The following KCTD1 variants were observed in gnomAD, a reference collection of about 807,000 sequenced individuals.
KCTD1 encodes the protein potassium channel tetramerization domain containing 1.
A neutral mutation model predicts 66.0 loss-of-function variants in KCTD1; 24 were observed. The observed-to-expected ratio is 0.36, with a 90% confidence interval of 0.26 to 0.51. The LOEUF (loss-of-function observed/expected upper bound fraction) is 0.51, where lower values mean the gene tolerates loss of function less well. Ranked by LOEUF, KCTD1 falls within the 20% of genes least tolerant of loss-of-function variation. The pLI is 0.95. For missense variants in KCTD1, 943 were observed against 1,205.2 expected, an observed-to-expected ratio of 0.78 and a Z score of 3.22; for synonymous variants, 511 against 517.2, an observed-to-expected ratio of 0.99 and a Z score of 0.16.
At chr18:26,541,964 T>C (rs1383307877) in intron 1 of KCTD1, among the ~76,000 whole-genome samples, 1 of 152,150 alleles carries the variant, frequency 6.6e-6, no homozygotes, top group Admixed American at 6.5e-5. Context: ...CCCAAAACTT[T>C]AAGAGTTCAC....
upstream of KCTD1, among the ~76,000 whole-genome samples, chr18:26,632,576 C>T (rs910284190): frequency 1.3e-5 from 2 of 151,988 alleles, no homozygotes; most frequent in Non-Finnish European, 2.9e-5. Flanking sequence ...CTAAGAGATA[C>T]TGAGTTTTTA....
chr18:26,633,159 C>A (rs1009393284), upstream of KCTD1, among the ~76,000 whole-genome samples: 4 of 152,092 alleles, frequency 2.6e-5, no homozygotes, highest in South Asian at 6.2e-4. Context: ...AAAAGAGGAT[C>A]TAGAAGTCTT....
intron 2 of KCTD1, among the ~76,000 whole-genome samples, chr18:26,492,839 G>A (rs1364819989): frequency 6.6e-6 from 1 of 151,730 alleles, no homozygotes; most frequent in Non-Finnish European, 1.5e-5. Context: ...TACCTATAAG[G>A]TTATATCTGA....
At chr18:26,543,184 A>G (rs1244071945) in intron 1 of KCTD1, 1 of 152,248 alleles carries the variant, frequency 6.6e-6, no homozygotes, top group African/African-American at 2.4e-5. Flanking sequence ...TGAACTTTTC[A>G]TAAAGGAGAG....
At position 26,547,130 on chromosome 18, in the gene KCTD1, G is replaced by T. The variant is rs1210852866; in HGVS notation, c.1407C>A (p.Thr469=). ...CCTGCGGGGCGGGCGAGCCCAGCTT[G>T]GTGCCAATGCCCGCGATGCTGTTGA... ...ATLNSIAGIG[T]KLGSPAPQGC... is the part of the protein sequence containing the mutation. Residue 469 remains threonine (T), a synonymous_variant, in exon 1 of 5, where the codon ACC becomes ACA. Coordinates refer to ENST00000580059, the MANE Select transcript of KCTD1 (RefSeq NM_001142730.3). 6.4e-7 allele frequency: 1 copy of T among 1,550,590 alleles called. No individual in the cohort carries two copies. The highest frequency in any genetic ancestry group is 1.2e-5 in the South Asian group (1 of 84,058).
chr18:26,624,725 C>A (rs1344874680), intron 1 of KCTD1, among the ~76,000 whole-genome samples: 1 of 152,232 alleles, frequency 6.6e-6, no homozygotes, highest in African/African-American at 2.4e-5. Context: ...ACGAGGAGTG[C>A]CCACTGGGGC....
At chr18:26,604,775 A>G (rs779692645) in intron 1 of KCTD1, among the ~76,000 whole-genome samples, 1 of 152,208 alleles carries the variant, frequency 6.6e-6, no homozygotes, top group Non-Finnish European at 1.5e-5. Flanking sequence ...AGCAGAAAAG[A>G]TAACTCTTGG....
chr18:26,479,574 A>G (rs897260751), intron 2 of KCTD1, among the ~76,000 whole-genome samples: 6 of 152,364 alleles, frequency 3.9e-5, no homozygotes, highest in South Asian at 4.1e-4. Context: ...CTGGAAGGGA[A>G]GGGTGCTTGG....
At chr18:26,628,260 T>C (rs920542667) in intron 1 of KCTD1, among the ~76,000 whole-genome samples, 2 of 152,212 alleles carry the variant, frequency 1.3e-5, no homozygotes, top group Non-Finnish European at 2.9e-5. Flanking sequence ...AGGTCATTTT[T>C]GGTAACAGGC....
intron 1 of KCTD1, among the ~76,000 whole-genome samples, chr18:26,634,605 T>A (rs1987684531): frequency 2.0e-5 from 3 of 152,252 alleles, no homozygotes; most frequent in African/African-American, 7.2e-5. Flanking sequence ...CACATTTATA[T>A]AATTAAAATT....
intron 1 of KCTD1, among the ~76,000 whole-genome samples, chr18:26,588,612 T>C (rs1412189560): frequency 6.6e-6 from 1 of 152,178 alleles, no homozygotes; most frequent in Non-Finnish European, 1.5e-5. Context: ...GTAGCTGGTG[T>C]GTGTGACACC....
chr18:26,586,155 A>G (rs1321557046), intron 1 of KCTD1, among the ~76,000 whole-genome samples: 2 of 152,268 alleles, frequency 1.3e-5, no homozygotes, highest in Non-Finnish European at 2.9e-5. Flanking sequence ...TGGCAACACT[A>G]TATCTAGCAA....
chr18:26,530,174 C>A (rs1539814), intron 1 of KCTD1, among the ~76,000 whole-genome samples: 54,329 of 152,018 alleles, frequency 0.36, 11,022 homozygotes, highest in East Asian at 0.6. Flanking sequence ...TTCTCTACAC[C>A]CAAATTTTAA....
intron 1 of KCTD1, among the ~76,000 whole-genome samples, chr18:26,571,861 TA>T (rs1320804972): frequency 6.6e-6 from 1 of 152,190 alleles, no homozygotes; most frequent in Non-Finnish European, 1.5e-5. Context: ...TCTACGTGTA[TA>T]ATGTTCCATG....
At chr18:26,479,871 T>A (rs1167955101) in intron 2 of KCTD1, among the ~76,000 whole-genome samples, 1 of 152,170 alleles carries the variant, frequency 6.6e-6, no homozygotes, top group Non-Finnish European at 1.5e-5. Flanking sequence ...CAGGCTGTAT[T>A]TCTTGTGGAC....
At position 26,548,129 on chromosome 18, in the gene KCTD1, C is replaced by T. The variant is rs1567989581; in HGVS notation, c.408G>A (p.Pro136=). 1.5e-6 allele frequency: 2 copies of T among 1,315,238 alleles called. No homozygotes were observed. The highest frequency in any genetic ancestry group is 1.9e-6 in the Non-Finnish European group (2 of 1,041,082). 81.5% of individuals were successfully genotyped at this position (1,315,238 alleles called of 1,614,324 possible). A position where few individuals can be genotyped will look rare whatever the true frequency, so the allele number is the denominator to read the frequency against. ...GGGCCCGGGGCGCCAGCAGTCGCGG[C>T]GGCGCCTCGGGCTCCAGCGCGGCGC... ...DQSAALEPEA[P]PRLLAPRARG... Residue 136 remains proline, a synonymous_variant, in exon 1 of 5, where the codon CCG becomes CCA. Transcript: ENST00000580059.
chr18:26,604,935 T>G (rs1015232180), intron 1 of KCTD1, among the ~76,000 whole-genome samples: 3 of 152,100 alleles, frequency 2.0e-5, no homozygotes, highest in African/African-American at 7.2e-5. Context: ...AGGCCTGCAG[T>G]CCAGGGCTGA....
Position 26,548,496 on chromosome 18 carries a change from G to A in KCTD1, c.41C>T (p.Ala14Val). The part of the protein sequence containing the change: ...MPGSGDCNTS[A>V]GGSASAAAAA... ...GGCGGCAGCGCTGGCGCTGCCGCCC[G>A]CGCTGGTGTTACAGTCCCCGCTGCC... is the stretch of plus-strand genomic sequence containing the variant. Residue 14 changes from alanine (A) to valine (V), a missense_variant, in exon 1 of 5, where the codon GCG (alanine) becomes GTG (valine). Physicochemically the swap from Ala to Val is moderately conservative, Grantham distance 64 (BLOSUM62 0). Transcript: ENST00000580059. The A allele has an allele frequency of 8.3e-7, 1 of 1,207,922 alleles. No homozygotes were observed. Among genetic ancestry groups the A allele is most frequent in the Non-Finnish European group, 1.0e-6 (1 of 978,116 alleles). 74.8% of individuals were successfully genotyped at this position (1,207,922 alleles called of 1,614,324 possible).
intron 1 of KCTD1, among the ~76,000 whole-genome samples, chr18:26,583,754 T>C (rs1279694024): frequency 1.3e-5 from 2 of 152,162 alleles, no homozygotes; most frequent in African/African-American, 4.8e-5. Flanking sequence ...TATTAACAGG[T>C]GTTTTAGGAA....
Sources: allele counts gnomAD v4.1 joint callset (sites outside exome capture counted in the v4.1 genomes callset), GRCh38; gene constraint gnomAD v4.1.1; transcripts MANE v1.5; gene names NCBI Gene and HGNC (gene_info 2026-07-23, HGNC 2026-07-21).